Variants in ZDHHC24 observed in about 807,000 individuals in gnomAD.
ZDHHC24 encodes probable palmitoyltransferase ZDHHC24.
Under a neutral mutation model 23.2 loss-of-function variants are expected in ZDHHC24, and 17 were observed. The observed-to-expected ratio is 0.73, with a 90% CI of 0.50 to 1.10. The LOEUF (loss-of-function observed/expected upper bound fraction) is 1.10, where lower values mean the gene tolerates loss of function less well. Among genes scored for constraint, ZDHHC24 ranks in the 50% least tolerant of loss-of-function variants. The pLI, the probability that ZDHHC24 is intolerant of heterozygous loss-of-function variation, is 0.00. For synonymous variants in ZDHHC24, 186 were observed against 194.5 expected (o/e 0.96, Z 0.36); for missense variants, 366 against 393.0 (o/e 0.93, Z 0.58).
rs1857061203 is a variant in ZDHHC24, at chr11:66,538,885, G to C, written c.*644C>G. On this transcript the variant is annotated 3_prime_UTR_variant, in exon 3 of 3. Transcript: ENST00000310442. ...CAGCTGTGCAAGGGTAAAGGCAAAA[G>C]CACAAAGACCTGGGTTGGACCCTGC... 6.6e-6 allele frequency: 1 copy of C among 152,300 alleles called. No homozygotes were observed. Among genetic ancestry groups the C allele is most frequent in the South Asian group, 2.1e-4 (1 of 4,816 alleles). The allele number at this position is 152,300 out of a possible 1,614,324, so 9.4% of individuals were successfully genotyped here.
At chr11:66,544,029 C>A (rs1039740242) in intron 1 of ZDHHC24, 48 bp from the exon 2 acceptor site, 6 of 1,597,800 alleles carry the variant, frequency 3.8e-6, no homozygotes, top group Admixed American at 1.7e-5. Flanking sequence ...CTCAGATGCC[C>A]CATATTGTGC....
chr11:66,523,349 G>C, intron 4 of ZDHHC24: 1 of 1,494,692 alleles, frequency 6.7e-7, no homozygotes. Flanking sequence ...CTGCTTTGGG[G>C]CCAGTGTTCC....
chr11:66,530,801 T>C (rs1334966627), downstream of ZDHHC24: 1 of 1,550,088 alleles, frequency 6.5e-7, no homozygotes, highest in Admixed American at 1.7e-5. Flanking sequence ...GGAGGGGACA[T>C]GAGGGCATTG....
chr11:66,535,621 T>C (rs992970599), downstream of ZDHHC24, among the ~76,000 whole-genome samples: 1 of 152,184 alleles, frequency 6.6e-6, no homozygotes, highest in Non-Finnish European at 1.5e-5. Context: ...TAAAAAGGCA[T>C]GATCTTTATG....
At position 66,539,221 on chromosome 11, in the gene ZDHHC24, A is replaced by C. The variant is rs900390025; in HGVS notation, c.*308T>G. ...GTCCCAGAAACAGCCCCAGCAACAA[A>C]GTGAGGGGCCAGAAACTATGCAAAG... On this transcript the variant is annotated 3_prime_UTR_variant, in exon 3 of 3. Transcript: ENST00000310442. 114 of 1,084,428 alleles carry C rather than the reference A, an allele frequency of 1.1e-4. No individual in the cohort carries two copies. Among genetic ancestry groups the C allele is most frequent in the Non-Finnish European group, 1.2e-4 (107 of 894,662 alleles). The allele number at this position is 1,084,428 out of a possible 1,614,324, so 67.2% of individuals were successfully genotyped here.
Position 66,545,951 on chromosome 11 carries a change from G to C in ZDHHC24, c.53C>G (p.Pro18Arg). ...GGCCCACAGCGCGGTGAGCACGAGAGGCAGCTGCGCGGGCGCCCCGTCCGT... is the reference window on the plus strand; with the variant it reads ...GGCCCACAGCGCGGTGAGCACGAGACGCAGCTGCGCGGGCGCCCCGTCCGT... ...GSTDGAPAQL[P>R]LVLTALWAAA... Residue 18 changes from proline (P) to arginine (R), a missense_variant, in exon 1 of 3, where the codon CCT becomes CGT. By Grantham distance (103) the Pro-to-Arg change is moderately radical. Transcript: ENST00000310442. The surrounding 1 kb of genome is among the most constrained non-coding windows in gnomAD (Gnocchi z 4.5). The C allele has an allele frequency of 1.4e-6, 2 of 1,450,980 alleles. No individual in the cohort carries two copies. Among genetic ancestry groups the C allele is most frequent in the Non-Finnish European group, 1.8e-6 (2 of 1,115,534 alleles). 89.9% of individuals were successfully genotyped at this position (1,450,980 alleles called of 1,614,324 possible).
intron 3 of ZDHHC24, among the ~76,000 whole-genome samples, chr11:66,528,864 AGGCTG>A (rs1856631374): frequency 6.8e-6 from 1 of 147,484 alleles, no homozygotes. Context: ...GCTACTCGGG[AGGCTG>A]AGGCAGGAGA....
chr11:66,542,232 G>A lies in ZDHHC24; in HGVS notation c.559+1472C>T, dbSNP rs575270379. Among the ~76,000 whole-genome samples the A allele has an allele frequency of 2.6e-5, 4 of 152,194 alleles. No individual in the cohort carries two copies. The South Asian group carries it at 6.2e-4, about 24-fold the overall frequency. On this transcript the variant is annotated intron_variant, in intron 2 of 2. Coordinates refer to ENST00000310442, the MANE Select transcript of ZDHHC24 (RefSeq NM_207340.3). ...GCAAACGGGAAGGCCAGGCATAGCCGAGGGCCTGCTGAGGTCAGCAGCCAT... is the reference window on the plus strand; with the variant it reads ...GCAAACGGGAAGGCCAGGCATAGCCAAGGGCCTGCTGAGGTCAGCAGCCAT...
chr11:66,526,859 C>T (rs1310386181), intron 4 of ZDHHC24: 31 of 1,613,974 alleles, frequency 1.9e-5, no homozygotes, highest in Non-Finnish European at 2.5e-5. Context: ...TGCTCCTACA[C>T]AGCAAAGCTG....
intron 1 of ZDHHC24, among the ~76,000 whole-genome samples, chr11:66,544,918 A>G (rs1857264565): frequency 6.6e-6 from 1 of 152,156 alleles, no homozygotes; most frequent in Non-Finnish European, 1.5e-5. Context: ...GTATATACTT[A>G]TGGGATACCA....
intron 4 of ZDHHC24, among the ~76,000 whole-genome samples, chr11:66,522,629 A>G (rs1330497417): frequency 5.3e-5 from 8 of 152,196 alleles, no homozygotes. Context: ...TACAGTCATA[A>G]GCCACCACAC....
In ZDHHC24 at chr11:66,545,960, G is replaced by A; in HGVS notation, c.44C>T (p.Ala15Val). The change falls in exon 1 of 3, where the codon GCG becomes GTG. Residue 15 changes from alanine (A) to valine (V), a missense_variant. Coordinates refer to ENST00000310442, the MANE Select transcript of ZDHHC24 (RefSeq NM_207340.3). This position sits in a 1 kb window ranked among gnomAD's most constrained non-coding sequence, Gnocchi z 4.5. ...CGCGGTGAGCACGAGAGGCAGCTGC[G>A]CGGGCGCCCCGTCCGTGCTCCCAGC... ...WAAGSTDGAPAQLPLVLTALW... is the reference protein window; with the variant it reads ...WAAGSTDGAPVQLPLVLTALW... The A allele has an allele frequency of 1.4e-6, 2 of 1,433,280 alleles. No individual in the cohort carries two copies. Among genetic ancestry groups the A allele is most frequent in the Non-Finnish European group, 9.0e-7 (1 of 1,107,450 alleles). The allele number at this position is 1,433,280 out of a possible 1,614,324, so 88.8% of individuals were successfully genotyped here. A position where few individuals can be genotyped will look rare whatever the true frequency, so the allele number is the denominator to read the frequency against.
chr11:66,537,647 GGCCA>G lies in ZDHHC24; in HGVS notation c.*1878_*1881del, dbSNP rs1857012613. 1 of 145,414 alleles carries G rather than the reference GGCCA, an allele frequency of 6.9e-6. No homozygotes were observed. The highest frequency in any genetic ancestry group is 6.8e-5 in the Admixed American group (1 of 14,654). 9.0% of individuals were successfully genotyped at this position (145,414 alleles called of 1,614,324 possible). A position where few individuals can be genotyped will look rare whatever the true frequency, so the allele number is the denominator to read the frequency against. On this transcript the variant is annotated 3_prime_UTR_variant, in exon 3 of 3. Coordinates refer to ENST00000310442, the MANE Select transcript of ZDHHC24 (RefSeq NM_207340.3). ...TCAGTAGATCAAGACCATCCTGGCC[GGCCA>G]GGAGTGGTGGCTCACACCTGTAATC...
intron 4 of ZDHHC24, chr11:66,523,694 C>G (rs755076424): frequency 6.2e-7 from 1 of 1,610,058 alleles, no homozygotes; most frequent in South Asian, 1.1e-5. Context: ...AGCCCTGAGC[C>G]CTCCACAGAC....
In ZDHHC24 at chr11:66,539,645, C is replaced by T. The variant is rs1489236821; in HGVS notation, c.739G>A (p.Ala247Thr). ...AGGGCCCAGCGGGGCCCCAGGGCTGCCTGCAGGTTGTGGCAGGGACCCAGG... is the reference window on the plus strand; with the variant it reads ...AGGGCCCAGCGGGGCCCCAGGGCTGTCTGCAGGTTGTGGCAGGGACCCAGG... The part of the protein sequence containing the change: ...YDLGPCHNLQ[A>T]ALGPRWALVW... The change falls in exon 3 of 3, where the codon GCA becomes ACA. Residue 247 changes from alanine to threonine, a missense_variant. Transcript: ENST00000310442. The T allele has an allele frequency of 6.2e-7, 1 of 1,612,628 alleles. No individual in the cohort carries two copies. Among genetic ancestry groups the T allele is most frequent in the East Asian group, 2.2e-5 (1 of 44,868 alleles).
Position 66,539,765 on chromosome 11 carries a change from C to T in ZDHHC24, c.619G>A (p.Ala207Thr), listed in dbSNP as rs757081941. Reference protein sequence around the residue: ...AFVTDTCVAGALLCGAGLLFH... With the variant: ...AFVTDTCVAGTLLCGAGLLFH... ...AGCAGCCCAGCCCCGCACAGCAGCGCACCCGCCACGCACGTGTCCGTCACG... is the reference window on the plus strand; with the variant it reads ...AGCAGCCCAGCCCCGCACAGCAGCGTACCCGCCACGCACGTGTCCGTCACG... Residue 207 changes from alanine (A) to threonine (T), a missense_variant, in exon 3 of 3, where the codon GCG (alanine) becomes ACG (threonine). Coordinates refer to ENST00000310442, the MANE Select transcript of ZDHHC24 (RefSeq NM_207340.3). The T allele has an allele frequency of 1.7e-5, 28 of 1,612,060 alleles. No individual in the cohort carries two copies. The Admixed American group carries it at 4.3e-4, about 25-fold the overall frequency.
rs769521248 is a variant in ZDHHC24, at chr11:66,543,920, C to T, written c.343G>A (p.Val115Ile). Residue 115 changes from valine (V) to isoleucine (I), a missense_variant, in exon 2 of 3, where the codon GTC becomes ATC. Physicochemically the swap from Val to Ile is conservative, Grantham distance 29. Transcript: ENST00000310442. ...PRSGHCSACR[V>I]CILRRDHHCR... is the part of the protein sequence containing the mutation. ...TGGTGGTCCCGACGCAGGATGCAGACGCGGCAGGCAGAGCAGTGTCCGCTG... is the reference window on the plus strand; with the variant it reads ...TGGTGGTCCCGACGCAGGATGCAGATGCGGCAGGCAGAGCAGTGTCCGCTG... 6.8e-6 allele frequency: 11 copies of T among 1,613,874 alleles called. No individual in the cohort carries two copies. The African/African-American group carries it at 8.0e-5, about 12-fold the overall frequency.
chr11:66,522,593 TTC>T (rs1565285381), intron 4 of ZDHHC24, among the ~76,000 whole-genome samples: 26 of 151,856 alleles, frequency 1.7e-4, no homozygotes, highest in Admixed American at 9.8e-4. Context: ...TGATCCACCC[TTC>T]TCGGCCTCCC....
At position 66,539,458 on chromosome 11, in the gene ZDHHC24, C is replaced by T; in HGVS notation, c.*71G>A. On this transcript the variant is annotated 3_prime_UTR_variant, in exon 3 of 3. Transcript: ENST00000310442. ...AGATGTTAAGGTCCAACCCGACTTC[C>T]TTACTGAGTCTAGGTGTGGGGGCCC... 6.9e-7 allele frequency: 1 copy of T among 1,455,952 alleles called. No homozygotes were observed. Among genetic ancestry groups the T allele is most frequent in the Non-Finnish European group, 9.0e-7 (1 of 1,105,824 alleles). The allele number at this position is 1,455,952 out of a possible 1,614,324, so 90.2% of individuals were successfully genotyped here.
Sources: gnomAD v4.1 joint callset for allele counts (sites outside exome capture counted in the v4.1 genomes callset) on GRCh38, gnomAD v4.1.1 for gene constraint, Gnocchi (gnomAD v3.1) non-coding constraint, MANE v1.5 for transcripts, NCBI Gene and HGNC (gene_info 2026-07-23, HGNC 2026-07-21) for gene names.